The following ARK2N variants were observed in gnomAD, a reference collection of about 807,000 sequenced individuals.
ARK2N encodes the protein protein ARK2N.
chr18:46,179,418 C>G, the ARK2N span, among the ~76,000 whole-genome samples: 1 of 151,906 alleles, frequency 6.6e-6, no homozygotes, highest in Non-Finnish European at 1.5e-5. Context: ...TAGCCTTTAC[C>G]TGTACCTCTT....
the ARK2N span, among the ~76,000 whole-genome samples, chr18:46,188,361 C>T: frequency 7.9e-5 from 12 of 152,238 alleles, no homozygotes; most frequent in South Asian, 4.1e-4. Flanking sequence ...CCACTACACC[C>T]GGCCAATTTT....
chr18:46,194,405 C>T, the ARK2N span, among the ~76,000 whole-genome samples: 4 of 151,946 alleles, frequency 2.6e-5, no homozygotes, highest in Non-Finnish European at 5.9e-5. Context: ...TCAAGACCAG[C>T]CTGGCCAACA....
chr18:46,253,718 T>C, the ARK2N span: 2 of 1,605,794 alleles, frequency 1.2e-6, no homozygotes, highest in Non-Finnish European at 1.7e-6. Flanking sequence ...CCAGGATTCC[T>C]AGCAAGTGAC....
At chr18:46,220,229 T>C in the ARK2N span, among the ~76,000 whole-genome samples, 1 of 152,184 alleles carries the variant, frequency 6.6e-6, no homozygotes, top group African/African-American at 2.4e-5. Context: ...TTTTGGAGAA[T>C]GTCATTGAGG....
the ARK2N span, chr18:46,232,354 C>A: frequency 6.6e-6 from 1 of 152,104 alleles, no homozygotes; most frequent in Admixed American, 6.5e-5. Context: ...TGTTGATTTT[C>A]ATCTCCCCTT....
the ARK2N span, among the ~76,000 whole-genome samples, chr18:46,193,345 A>C: frequency 6.6e-6 from 1 of 151,648 alleles, no homozygotes; most frequent in Admixed American, 6.6e-5. Flanking sequence ...GCTGGAGTGC[A>C]ATGGCATGAT....
At chr18:46,193,384 G>A in the ARK2N span, among the ~76,000 whole-genome samples, 173 of 151,642 alleles carry the variant, frequency 1.1e-3, 2 homozygotes, top group African/African-American at 3.8e-3. Context: ...CCACCTCCAG[G>A]GTTCAAGTGA....
At chr18:46,261,128 A>C in the ARK2N span, among the ~76,000 whole-genome samples, 1 of 152,138 alleles carries the variant, frequency 6.6e-6, no homozygotes, top group Admixed American at 6.5e-5. Flanking sequence ...TATACAGGTG[A>C]GCTTTTGAAT....
the ARK2N span, among the ~76,000 whole-genome samples, chr18:46,211,984 A>T: frequency 6.6e-6 from 1 of 152,192 alleles, no homozygotes; most frequent in African/African-American, 2.4e-5. Flanking sequence ...ATCTGGTTGT[A>T]TGGAAAGATT....
At chr18:46,241,101 CA>C in the ARK2N span, among the ~76,000 whole-genome samples, 2 of 152,042 alleles carry the variant, frequency 1.3e-5, no homozygotes, top group East Asian at 1.9e-4. Context: ...ATGAGTTTTA[CA>C]AAAAAATGAG....
the ARK2N span, chr18:46,253,636 T>G: frequency 6.4e-7 from 1 of 1,551,314 alleles, no homozygotes; most frequent in Non-Finnish European, 8.8e-7. Context: ...ATGAGTTGTT[T>G]CCACTGTTTG....
At chr18:46,185,243 C>T in the ARK2N span, among the ~76,000 whole-genome samples, 4 of 152,148 alleles carry the variant, frequency 2.6e-5, no homozygotes, top group Non-Finnish European at 4.4e-5. Flanking sequence ...ATGGGAGATG[C>T]AACATAGAGG....
At chr18:46,258,478 G>C in the ARK2N span, among the ~76,000 whole-genome samples, 1 of 152,094 alleles carries the variant, frequency 6.6e-6, no homozygotes, top group African/African-American at 2.4e-5. Context: ...CATTTCCACT[G>C]TGCAGCCTTT....
At chr18:46,201,873 G>C in the ARK2N span, among the ~76,000 whole-genome samples, 1 of 151,662 alleles carries the variant, frequency 6.6e-6, no homozygotes, top group African/African-American at 2.4e-5. Context: ...TGCCTCCTGG[G>C]TTCAAGCGAT....
the ARK2N span, among the ~76,000 whole-genome samples, chr18:46,235,350 C>T: frequency 6.6e-6 from 1 of 152,228 alleles, no homozygotes; most frequent in African/African-American, 2.4e-5. Flanking sequence ...AGGCACTGGC[C>T]TAGGCACTGA....
the ARK2N span, chr18:46,216,691 G>T: frequency 1.8e-5 from 20 of 1,083,480 alleles, no homozygotes; most frequent in South Asian, 3.1e-4. This position sits in a 1 kb window ranked among gnomAD's most constrained non-coding sequence, Gnocchi z 4.3. Flanking sequence ...AAATCCAGGA[G>T]ACCTGCAGCT....
At chr18:46,230,440 T>G in the ARK2N span, among the ~76,000 whole-genome samples, 1 of 152,214 alleles carries the variant, frequency 6.6e-6, no homozygotes, top group Non-Finnish European at 1.5e-5. Context: ...TCCCTTAATT[T>G]TCCTAGAATT....
At chr18:46,211,957 A>C in the ARK2N span, among the ~76,000 whole-genome samples, 1 of 152,206 alleles carries the variant, frequency 6.6e-6, no homozygotes, top group African/African-American at 2.4e-5. Flanking sequence ...GACCAAAAAC[A>C]ATATATGCAG....
chr18:46,247,634 G>C, the ARK2N span, among the ~76,000 whole-genome samples: 1 of 152,210 alleles, frequency 6.6e-6, no homozygotes, highest in East Asian at 1.9e-4. Flanking sequence ...TCTGCCACAA[G>C]TGGCTTTTAG....
Sources: allele counts gnomAD v4.1 joint callset (sites outside exome capture counted in the v4.1 genomes callset), GRCh38; gene constraint gnomAD v4.1.1; non-coding constraint Gnocchi (gnomAD v3.1); transcripts MANE v1.5; gene names NCBI Gene and HGNC (gene_info 2026-07-23, HGNC 2026-07-21).